PRPF3: variants seen among roughly 807,000 people sequenced by gnomAD.
PRPF3 encodes U4/U6 small nuclear ribonucleoprotein Prp3.
In PRPF3, 3 loss-of-function variants were observed where a neutral mutation model predicts 89.2. That is an observed-to-expected ratio of 0.03 (90% CI 0.02 to 0.09). The LOEUF is 0.09. Ranked by LOEUF, PRPF3 falls within the 10% of genes least tolerant of loss-of-function variation. PRPF3 has a pLI of 1.00. For missense variants in PRPF3, 463 were observed against 828.8 expected, an observed-to-expected ratio of 0.56 and a Z score of 5.42; for synonymous variants, 270 against 289.1, an observed-to-expected ratio of 0.93 and a Z score of 0.67.
chr1:150,342,455 C>CT (rs2102006777), intron 9 of PRPF3, among the ~76,000 whole-genome samples: 1 of 152,128 alleles, frequency 6.6e-6, no homozygotes, highest in East Asian at 1.9e-4. Context: ...TGATTTTAAT[C>CT]TTACTGATCC....
intron 13 of PRPF3, 130 bp downstream of exon 13, chr1:150,346,266 C>T (rs1658262233): frequency 8.1e-7 from 1 of 1,234,948 alleles, no homozygotes; most frequent in Admixed American, 1.7e-5. Context: ...TAGGTCTCTG[C>T]TTCTGTGTTT....
intron 12 of PRPF3, among the ~76,000 whole-genome samples, chr1:150,345,342 A>T (rs11809332): frequency 0.078 from 11,702 of 150,574 alleles, 567 homozygotes; most frequent in Non-Finnish European, 0.093. Flanking sequence ...CTATATATAT[A>T]TTTTATTTAT....
intron 7 of PRPF3, among the ~76,000 whole-genome samples, chr1:150,336,938 TA>T (rs1269570835): frequency 6.6e-6 from 1 of 151,796 alleles, no homozygotes; most frequent in Non-Finnish European, 1.5e-5. Context: ...TGCCTGTAGT[TA>T]AAATTTAATG....
chr1:150,345,992 A>G (rs1376858979), intron 12 of PRPF3, 26 bp from the exon 13 acceptor site: 39 of 1,558,012 alleles, frequency 2.5e-5, no homozygotes, highest in Non-Finnish European at 3.2e-5. Flanking sequence ...AAAATGGAAG[A>G]CATAACTAAA....
rs1253150121 is a variant in PRPF3 at position 150,345,837 on chromosome 1, G to C, written c.1641-181G>C. 3.2e-5 allele frequency: 22 copies of C among 681,934 alleles called. No homozygotes were observed. In the East Asian group the frequency reaches 5.6e-4, roughly 17 times the overall value. 42.2% of individuals were successfully genotyped at this position (681,934 alleles called of 1,614,324 possible). A position where few individuals can be genotyped will look rare whatever the true frequency, so the allele number is the denominator to read the frequency against. ...AGTGCTAGACTTTGAAGAAATGTAA[G>C]AGTGTGGAAATATTTCTAGACTCAT... On this transcript the variant is annotated intron_variant, in intron 12 of 15. Coordinates refer to ENST00000324862, the MANE Select transcript of PRPF3 (RefSeq NM_004698.4).
At chr1:150,328,586 CTT>C in intron 4 of PRPF3, 120 bp downstream of exon 4, 3 of 1,026,126 alleles carry the variant, frequency 2.9e-6, no homozygotes, top group Non-Finnish European at 4.0e-6. Flanking sequence ...GAGTTTTGCT[CTT>C]GTCACCCAGG....
chr1:150,344,824 G>T (rs1553872485), intron 12 of PRPF3, among the ~76,000 whole-genome samples: 1 of 150,820 alleles, frequency 6.6e-6, no homozygotes, highest in African/African-American at 2.4e-5. Context: ...AGGCCAAGAT[G>T]TGAACTAAAG....
At chr1:150,329,132 C>T (rs1319335222) in intron 4 of PRPF3, among the ~76,000 whole-genome samples, 3 of 150,690 alleles carry the variant, frequency 2.0e-5, no homozygotes, top group Admixed American at 6.7e-5. Context: ...CAGGTTCAAG[C>T]GATTCTCCTG....
chr1:150,345,750 A>G lies in PRPF3; in HGVS notation c.1641-268A>G, dbSNP rs979053322. ...GAGATTGTAAGTATTTTTGGATGAT[A>G]GTAAATACCTCTCCCTGACTCTTAG... On this transcript the variant is annotated intron_variant, in intron 12 of 15. Transcript: ENST00000324862. 54 of 447,856 alleles carry G rather than the reference A, an allele frequency of 1.2e-4. No homozygotes were observed. The Admixed American group carries it at 1.8e-3, about 15-fold the overall frequency. The allele number at this position is 447,856 out of a possible 1,614,324, so 27.7% of individuals were successfully genotyped here.
intron 7 of PRPF3, among the ~76,000 whole-genome samples, chr1:150,337,494 G>A (rs1309810654): frequency 1.3e-5 from 2 of 152,008 alleles, no homozygotes; most frequent in African/African-American, 4.8e-5. Context: ...TGTTGCGTTA[G>A]GTGTAAAGAG....
At chr1:150,351,815 T>G (rs1480046067) in intron 15 of PRPF3, among the ~76,000 whole-genome samples, 4 of 151,840 alleles carry the variant, frequency 2.6e-5, no homozygotes, top group South Asian at 2.1e-4. Context: ...CAGCCCTACC[T>G]TCACATATCT....
At chr1:150,322,568 A>G (rs1409048600) in intron 1 of PRPF3, among the ~76,000 whole-genome samples, 2 of 152,180 alleles carry the variant, frequency 1.3e-5, no homozygotes, top group Non-Finnish European at 2.9e-5. Flanking sequence ...TAATAGAACC[A>G]CCATAGAATT....
At position 150,334,959 on chromosome 1, in the gene PRPF3, G is replaced by A. The variant is rs587619488; in HGVS notation, c.753G>A (p.Thr251=). Residue 251 remains threonine, a synonymous_variant, in exon 7 of 16, where the codon ACG becomes ACA. Coordinates refer to ENST00000324862, the MANE Select transcript of PRPF3 (RefSeq NM_004698.4). ...GGAAGGTGGAGTTAAAAGACCAAAC[G>A]AAACCTACACCACTGATCCTGGATG... ...APPKVELKDQ[T]KPTPLILDEQ... 13 of 1,614,014 alleles carry A rather than the reference G, an allele frequency of 8.1e-6. No individual in the cohort carries two copies. The South Asian group carries it at 1.1e-4, about 14-fold the overall frequency.
chr1:150,328,515 C>G, intron 4 of PRPF3, 49 bp downstream of exon 4: 1 of 1,413,484 alleles, frequency 7.1e-7, no homozygotes, highest in Non-Finnish European at 9.9e-7. Context: ...GTTGAAGAAG[C>G]AAAAGGTGCA....
chr1:150,345,503 C>G (rs1202216760), intron 12 of PRPF3: 2 of 170,708 alleles, frequency 1.2e-5, no homozygotes, highest in African/African-American at 4.8e-5. Flanking sequence ...GGCACGCACC[C>G]CCACGCCCGG....
At chr1:150,344,996 T>G (rs1553872543) in intron 12 of PRPF3, among the ~76,000 whole-genome samples, 1 of 152,048 alleles carries the variant, frequency 6.6e-6, no homozygotes, top group Non-Finnish European at 1.5e-5. Flanking sequence ...CTGTGTTTCA[T>G]CCTCACTCCA....
intron 7 of PRPF3, among the ~76,000 whole-genome samples, chr1:150,336,672 C>G (rs1306689509): frequency 6.6e-6 from 1 of 152,002 alleles, no homozygotes; most frequent in African/African-American, 2.4e-5. Flanking sequence ...AGGAGAATCA[C>G]TTGAAACTGG....
intron 9 of PRPF3, among the ~76,000 whole-genome samples, chr1:150,342,218 A>G (rs924334091): frequency 6.6e-6 from 1 of 151,532 alleles, no homozygotes; most frequent in Non-Finnish European, 1.5e-5. Flanking sequence ...CGTCTCTACT[A>G]AAAATACAAA....
intron 7 of PRPF3, among the ~76,000 whole-genome samples, chr1:150,336,379 G>A (rs1553867745): frequency 1.3e-5 from 2 of 152,164 alleles, no homozygotes; most frequent in African/African-American, 2.4e-5. Flanking sequence ...GAGACTGTTG[G>A]CTTGCCTGCT....
Sources: gnomAD v4.1 joint callset for allele counts (sites outside exome capture counted in the v4.1 genomes callset) on GRCh38, gnomAD v4.1.1 for gene constraint, MANE v1.5 for transcripts, NCBI Gene and HGNC (gene_info 2026-07-23, HGNC 2026-07-21) for gene names.